The following REPS1 variants were observed in gnomAD, a reference collection of about 807,000 sequenced individuals.
REPS1 encodes ralBP1-associated Eps domain-containing protein 1.
Under a neutral mutation model 100.9 loss-of-function variants are expected in REPS1, and 39 were observed. That is an observed-to-expected ratio of 0.39 (90% CI 0.30 to 0.50). The LOEUF (loss-of-function observed/expected upper bound fraction) is 0.50, where lower values mean the gene tolerates loss of function less well. REPS1 is among the 20% of genes least tolerant of loss of function. REPS1 has a pLI of 0.86. For missense variants in REPS1, 821 were observed against 968.5 expected (o/e 0.85, Z 2.02); for synonymous variants, 324 against 340.3 (o/e 0.95, Z 0.53).
chr6:138,985,866 A>C (rs1477157061), intron 1 of REPS1, among the ~76,000 whole-genome samples: 2 of 152,214 alleles, frequency 1.3e-5, no homozygotes, highest in Admixed American at 6.5e-5. Flanking sequence ...AAAAAGATTG[A>C]AAGTTTTATT....
Position 138,912,922 on chromosome 6 carries a change from A to T in REPS1, c.1814T>A (p.Val605Glu). ...QAPGPAVHRP[V>E]DADGLITHTS... The stretch of plus-strand genomic sequence containing the variant: ...GTGAGTTATGAGGCCATCGGCATCC[A>T]CTGGGCGATGCACAGCAGGACCAGG... Residue 605 changes from valine to glutamate, a missense_variant, in exon 16 of 20, where the codon GTG (valine) becomes GAG (glutamate). By Grantham distance (121) the Val-to-Glu change is moderately radical (BLOSUM62 -2). This residue lies in a region of REPS1 where 757 missense variants were observed against 866.4 expected (regional missense o/e 0.87). Coordinates refer to ENST00000450536, the MANE Select transcript of REPS1 (RefSeq NM_001286611.2). 1 of 1,614,094 alleles carries T rather than the reference A, an allele frequency of 6.2e-7. No individual in the cohort carries two copies. Among genetic ancestry groups the T allele is most frequent in the Non-Finnish European group, 8.5e-7 (1 of 1,179,980 alleles).
chr6:138,945,546 G>A lies in REPS1; in HGVS notation c.429C>T (p.Ser143=), dbSNP rs371275264. 1.4e-5 allele frequency: 23 copies of A among 1,611,384 alleles called. No homozygotes were observed. Among genetic ancestry groups the A allele is most frequent in the African/African-American group, 8.0e-5 (6 of 74,648 alleles). ...PPGRGQVKKG[S]VSHDTVQPRT... is the part of the protein sequence containing the mutation. ...GAGGCTGAACCGTATCATGGCTTAC[G>A]GATCCCTTTTTCACTTGCCCCCTGC... The change falls in exon 3 of 20, where the codon TCC becomes TCT. Residue 143 remains serine, a synonymous_variant. Transcript: ENST00000450536.
intron 1 of REPS1, among the ~76,000 whole-genome samples, chr6:138,973,805 T>C (rs1425359466): frequency 6.6e-6 from 1 of 152,094 alleles, no homozygotes; most frequent in Non-Finnish European, 1.5e-5. Context: ...GCTGATGTAG[T>C]AGGCACTACA....
chr6:138,965,743 ACAC>A (rs1783981421), intron 1 of REPS1, among the ~76,000 whole-genome samples: 1 of 152,180 alleles, frequency 6.6e-6, no homozygotes, highest in Middle Eastern at 3.2e-3. Context: ...TGGAAAGACA[ACAC>A]CTGCAACCTG....
chr6:138,981,683 G>A (rs1031189746), intron 1 of REPS1, among the ~76,000 whole-genome samples: 1 of 152,162 alleles, frequency 6.6e-6, no homozygotes, highest in African/African-American at 2.4e-5. Context: ...CCTACACAAA[G>A]ATACTCTCAT....
chr6:138,945,894 T>C (rs1782581183), intron 2 of REPS1, among the ~76,000 whole-genome samples, 197 bp from the exon 3 acceptor site: 1 of 152,168 alleles, frequency 6.6e-6, no homozygotes, highest in South Asian at 2.1e-4. Flanking sequence ...TAGAAAGAAG[T>C]AATAAAACCA....
intron 8 of REPS1, among the ~76,000 whole-genome samples, chr6:138,933,633 A>T (rs1405175614): frequency 6.6e-6 from 1 of 152,214 alleles, no homozygotes; most frequent in African/African-American, 2.4e-5. Flanking sequence ...GTCTTCTATT[A>T]AGACAGATGT....
chr6:138,970,892 AG>A (rs1784307571), intron 1 of REPS1, among the ~76,000 whole-genome samples: 2 of 152,212 alleles, frequency 1.3e-5, no homozygotes, highest in African/African-American at 4.8e-5. Flanking sequence ...TGGCAGTAAA[AG>A]GAAGAAGAAA....
rs373461229 is a variant in REPS1, at chr6:138,930,080, C to T, written c.1154G>A (p.Gly385Asp). 3 of 1,613,304 alleles carry T rather than the reference C, an allele frequency of 1.9e-6. No individual in the cohort carries two copies. The highest frequency in any genetic ancestry group is 2.5e-6 in the Non-Finnish European group (3 of 1,179,398). ...EDSADVGDQP[G>D]EVGYSGSPAE... is the part of the protein sequence containing the mutation. ...AGGAGAGCCTGAATAACCTACCTCA[C>T]CTGGCTGATCCCCAACATCTGCAAT... is the stretch of plus-strand genomic sequence containing the variant. The change falls in exon 9 of 20, where the codon GGT becomes GAT. Residue 385 changes from glycine to aspartate, a missense_variant. Coordinates refer to ENST00000450536, the MANE Select transcript of REPS1 (RefSeq NM_001286611.2).
intron 19 of REPS1, among the ~76,000 whole-genome samples, chr6:138,906,849 G>A (rs1209737772): frequency 6.6e-6 from 1 of 151,964 alleles, no homozygotes; most frequent in Non-Finnish European, 1.5e-5. Context: ...TAAGGTTTGA[G>A]AACCACTGGT....
At chr6:138,908,329 C>G (rs942680987) in intron 18 of REPS1, among the ~76,000 whole-genome samples, 3 of 152,138 alleles carry the variant, frequency 2.0e-5, no homozygotes, top group Admixed American at 6.6e-5. Flanking sequence ...AAGTCTTGCT[C>G]TGTTGCCCAG....
intron 1 of REPS1, among the ~76,000 whole-genome samples, chr6:138,972,834 C>T (rs1473423989): frequency 2.0e-5 from 3 of 152,076 alleles, no homozygotes; most frequent in African/African-American, 7.2e-5. Context: ...AAGCACTATG[C>T]AGTCTGGTCT....
chr6:138,914,299 C>T (rs1241720656), intron 15 of REPS1, among the ~76,000 whole-genome samples: 1 of 152,092 alleles, frequency 6.6e-6, no homozygotes, highest in African/African-American at 2.4e-5. Context: ...TCTGGAACTC[C>T]TGGGCTTGAG....
At chr6:138,969,556 T>C (rs1013653732) in intron 1 of REPS1, among the ~76,000 whole-genome samples, 1 of 151,312 alleles carries the variant, frequency 6.6e-6, no homozygotes, top group Admixed American at 6.6e-5. Flanking sequence ...CCCAAAGTGC[T>C]GGGATTACAG....
intron 12 of REPS1, 60 bp from the exon 13 acceptor site, chr6:138,917,687 A>C: frequency 7.4e-7 from 1 of 1,360,278 alleles, no homozygotes; most frequent in Admixed American, 1.7e-5. Context: ...TGCTCTATCT[A>C]CTCCAAACAA....
chr6:138,931,997 T>C (rs997193991), intron 8 of REPS1, among the ~76,000 whole-genome samples: 1 of 152,194 alleles, frequency 6.6e-6, no homozygotes, highest in Non-Finnish European at 1.5e-5. Flanking sequence ...CAAGACTCTA[T>C]TACTTTATTT....
chr6:138,949,643 T>C (rs1156800547), intron 1 of REPS1, among the ~76,000 whole-genome samples: 1 of 152,000 alleles, frequency 6.6e-6, no homozygotes, highest in African/African-American at 2.4e-5. Flanking sequence ...AGAGGATCAT[T>C]TGAACTCGGG....
intron 18 of REPS1, among the ~76,000 whole-genome samples, chr6:138,908,213 GGAA>G (rs1239308966): frequency 6.7e-6 from 1 of 148,316 alleles, no homozygotes; most frequent in Non-Finnish European, 1.5e-5. Context: ...GGGAAACATG[GGAA>G]GAATACCTAC....
chr6:138,943,344 T>C (rs1366784914), intron 7 of REPS1, among the ~76,000 whole-genome samples, 169 bp downstream of exon 7: 1 of 152,228 alleles, frequency 6.6e-6, no homozygotes, highest in Non-Finnish European at 1.5e-5. Context: ...GTATCACTTA[T>C]TTCTTTTCTG....
Sources: allele counts gnomAD v4.1 joint callset (sites outside exome capture counted in the v4.1 genomes callset), GRCh38; gene constraint gnomAD v4.1.1; regional missense constraint gnomAD v4.1.1; transcripts MANE v1.5; gene names NCBI Gene and HGNC (gene_info 2026-07-23, HGNC 2026-07-21).